CGGBP1: variants seen among roughly 807,000 people sequenced by gnomAD.
CGGBP1 encodes CGG triplet repeat binding protein 1, also known as CGG triplet repeat-binding protein 1.
Under a neutral mutation model 11.4 loss-of-function variants are expected in CGGBP1, and 4 were observed. That is an observed-to-expected ratio of 0.35 (90% CI 0.17 to 0.80). The LOEUF (loss-of-function observed/expected upper bound fraction) is 0.80. Among genes scored for constraint, CGGBP1 ranks in the 30% least tolerant of loss-of-function variants. The pLI is 0.52. For synonymous variants in CGGBP1, 76 were observed against 74.1 expected (o/e 1.03, Z -0.13); for missense variants, 135 against 202.1 (o/e 0.67, Z 2.01).
At chr3:88,064,908 T>A (rs2107593419) in intron 2 of CGGBP1, among the ~76,000 whole-genome samples, 1 of 152,350 alleles carries the variant, frequency 6.6e-6, no homozygotes, top group East Asian at 1.9e-4. Flanking sequence ...TGAGGATAAT[T>A]TGCAGTCACT....
intron 2 of CGGBP1, among the ~76,000 whole-genome samples, chr3:88,075,510 T>C (rs557321409): frequency 2.0e-5 from 3 of 152,368 alleles, no homozygotes; most frequent in African/African-American, 7.2e-5. Flanking sequence ...TTCTGAAGTC[T>C]GTGCTTTTAG....
At chr3:88,082,414 C>T (rs1708126065) in intron 2 of CGGBP1, among the ~76,000 whole-genome samples, 1 of 152,202 alleles carries the variant, frequency 6.6e-6, no homozygotes, top group Non-Finnish European at 1.5e-5. Context: ...CGTGAGCCAC[C>T]ACACCTGGCC....
intron 3 of CGGBP1, 197 bp from the exon 4 acceptor site, chr3:88,056,196 C>T (rs758628250): frequency 4.4e-4 from 202 of 460,718 alleles, no homozygotes; most frequent in Non-Finnish European, 5.1e-4. Flanking sequence ...ACTAACCAGT[C>T]GCAATCAGGT....
chr3:88,131,476 A>G (rs898850602), intron 2 of CGGBP1, among the ~76,000 whole-genome samples: 13 of 152,154 alleles, frequency 8.5e-5, no homozygotes, highest in African/African-American at 3.1e-4. Flanking sequence ...TAGTTCTTTC[A>G]TTGTAATATA....
chr3:88,127,446 T>TA (rs71131550), intron 2 of CGGBP1, among the ~76,000 whole-genome samples: 114,960 of 147,564 alleles, frequency 0.78, 45,496 homozygotes, highest in South Asian at 0.91. Flanking sequence ...GAAAGGGAGT[T>TA]AAAAAAAAAA....
At chr3:88,114,453 A>G (rs1307055147) in intron 2 of CGGBP1, among the ~76,000 whole-genome samples, 1 of 152,150 alleles carries the variant, frequency 6.6e-6, no homozygotes, top group African/African-American at 2.4e-5. Context: ...CAGGGTGCCC[A>G]TTCAGTTATC....
intron 2 of CGGBP1, chr3:88,086,308 G>T: frequency 6.5e-7 from 1 of 1,534,580 alleles, no homozygotes; most frequent in Non-Finnish European, 8.7e-7. Context: ...ACAGCTTCAG[G>T]TTCTTCAGAC....
chr3:88,076,100 T>C (rs1299079134), intron 2 of CGGBP1, among the ~76,000 whole-genome samples: 2 of 152,236 alleles, frequency 1.3e-5, no homozygotes, highest in Admixed American at 1.3e-4. Context: ...GCTTCAGATA[T>C]TTTAAGGTAA....
At chr3:88,145,468 C>T (rs768030812) in intron 1 of CGGBP1, among the ~76,000 whole-genome samples, 2 of 151,974 alleles carry the variant, frequency 1.3e-5, no homozygotes, top group African/African-American at 2.4e-5. Context: ...TCAATATATT[C>T]CATATTCAAA....
In CGGBP1 at chr3:88,052,045, A is replaced by C. The variant is rs1706439100; in HGVS notation, c.*3428T>G. On this transcript the variant is annotated 3_prime_UTR_variant, in exon 4 of 4. Transcript: ENST00000482016. ...CAATTTTTCTGAAATTTATTTCTAAAAGTCAGAGACAAAACTTTAGAAGTG... is the reference window on the plus strand; with the variant it reads ...CAATTTTTCTGAAATTTATTTCTAACAGTCAGAGACAAAACTTTAGAAGTG... 1 of 152,672 alleles carries C rather than the reference A, an allele frequency of 6.5e-6. No individual in the cohort carries two copies. The highest frequency in any genetic ancestry group is 6.5e-5 in the Admixed American group (1 of 15,290). The allele number at this position is 152,672 out of a possible 1,614,324, so 9.5% of individuals were successfully genotyped here.
At chr3:88,118,535 C>T (rs1237613020) in intron 2 of CGGBP1, among the ~76,000 whole-genome samples, 1 of 152,048 alleles carries the variant, frequency 6.6e-6, no homozygotes, top group Non-Finnish European at 1.5e-5. Context: ...AAGATGAAGA[C>T]GTTTAGAACT....
intron 2 of CGGBP1, among the ~76,000 whole-genome samples, chr3:88,097,909 C>A (rs2107703953): frequency 6.6e-6 from 1 of 152,186 alleles, no homozygotes; most frequent in Admixed American, 6.5e-5. Flanking sequence ...ACCCTAATAT[C>A]ACAATTAAAA....
At chr3:88,142,655 C>G (rs2107908655) in intron 1 of CGGBP1, 1 of 152,332 alleles carries the variant, frequency 6.6e-6, no homozygotes, top group South Asian at 2.1e-4. Context: ...AGCTAAGAAT[C>G]AGGTTGAGAA....
intron 2 of CGGBP1, among the ~76,000 whole-genome samples, chr3:88,070,710 C>T (rs1707463436): frequency 6.6e-6 from 1 of 151,148 alleles, no homozygotes; most frequent in Admixed American, 6.6e-5. Context: ...CTTTTTGGCC[C>T]CTTAAGAAAA....
At chr3:88,064,022 A>G (rs1161891337), upstream of CGGBP1, among the ~76,000 whole-genome samples, 1 of 151,584 alleles carries the variant, frequency 6.6e-6, no homozygotes, top group Non-Finnish European at 1.5e-5. Flanking sequence ...ATTTTTCTAG[A>G]TTTTTGTTTC....
At chr3:88,117,053 A>T (rs1452774364) in intron 2 of CGGBP1, among the ~76,000 whole-genome samples, 1 of 152,188 alleles carries the variant, frequency 6.6e-6, no homozygotes, top group Admixed American at 6.5e-5. Context: ...ATCTTCCATG[A>T]ATATAAGTGA....
In CGGBP1 at chr3:88,055,310, T is replaced by G. The variant is rs1706516223; in HGVS notation, c.*163A>C. 3.5e-6 allele frequency: 2 copies of G among 566,540 alleles called. No homozygotes were observed. The highest frequency in any genetic ancestry group is 9.9e-5 in the South Asian group (2 of 20,226). 35.1% of individuals were successfully genotyped at this position (566,540 alleles called of 1,614,324 possible). A position where few individuals can be genotyped will look rare whatever the true frequency, so the allele number is the denominator to read the frequency against. ...GGTGACTAAAATTAACAATAAGTTT[T>G]GCAGTGAGGTGGTTTTTTTTTTGCC... On this transcript the variant is annotated 3_prime_UTR_variant, in exon 4 of 4. Coordinates refer to ENST00000482016, the MANE Select transcript of CGGBP1 (RefSeq NM_001008390.2). This position sits in a 1 kb window ranked among gnomAD's most constrained non-coding sequence, Gnocchi z 4.2.
At chr3:88,078,328 G>A (rs1158318346) in intron 2 of CGGBP1, among the ~76,000 whole-genome samples, 3 of 152,070 alleles carry the variant, frequency 2.0e-5, no homozygotes, top group African/African-American at 7.2e-5. Context: ...TTCTAACAAG[G>A]TGAATGATTT....
Position 88,103,261 on chromosome 3 carries a change from C to A in CGGBP1, c.-229+37709G>T, listed in dbSNP as rs139354784. On this transcript the variant is annotated intron_variant, in intron 2 of 3. Coordinates refer to the CGGBP1 transcript ENST00000462901. ...GCTATAGTGGAAAAGACAGATAATA[C>A]GTTTGAGCAGATTGGAAATTTCGGC... Among the ~76,000 whole-genome samples, 392 of 152,108 alleles carry A rather than the reference C, an allele frequency of 2.6e-3. 1 individual carries two copies. Among genetic ancestry groups the A allele is most frequent in the African/African-American group, 8.9e-3 (368 of 41,478 alleles).
Sources: allele counts gnomAD v4.1 joint callset (sites outside exome capture counted in the v4.1 genomes callset), GRCh38; gene constraint gnomAD v4.1.1; non-coding constraint Gnocchi (gnomAD v3.1); transcripts MANE v1.5; gene names NCBI Gene and HGNC (gene_info 2026-07-23, HGNC 2026-07-21).